The following RALA variants were observed in gnomAD, a reference collection of about 807,000 sequenced individuals.
RALA encodes the protein RAS like proto-oncogene A.
RALA carries 5 observed loss-of-function variants against 24.0 expected under a neutral mutation model. The observed-to-expected ratio is 0.21, with a 90% CI of 0.11 to 0.44. The LOEUF is 0.44. Ranked by LOEUF, RALA falls within the 20% of genes least tolerant of loss-of-function variation. The probability of loss-of-function intolerance (pLI) is 0.99; values close to 1 mark genes in which losing one functional copy is unlikely to be tolerated. For synonymous variants in RALA, 77 were observed against 83.8 expected, an observed-to-expected ratio of 0.92 and a Z score of 0.44; for missense variants, 95 against 241.2, an observed-to-expected ratio of 0.39 and a Z score of 4.01.
At chr7:39,642,112 C>A (rs1414981209) in intron 1 of RALA, among the ~76,000 whole-genome samples, 2 of 152,144 alleles carry the variant, frequency 1.3e-5, no homozygotes, top group Admixed American at 6.5e-5. Flanking sequence ...TCAGTTGGGA[C>A]AACCGCTGTA....
intron 1 of RALA, among the ~76,000 whole-genome samples, chr7:39,653,841 A>G (rs1007763214): frequency 2.6e-5 from 4 of 152,296 alleles, no homozygotes; most frequent in African/African-American, 9.6e-5. Flanking sequence ...AATTTTGCCA[A>G]TACTGATGAA....
chr7:39,679,447 T>C (rs1792547285), intron 1 of RALA, among the ~76,000 whole-genome samples: 1 of 152,192 alleles, frequency 6.6e-6, no homozygotes, highest in African/African-American at 2.4e-5. Flanking sequence ...TAAAACGTTA[T>C]CCCAGTATAG....
intron 4 of RALA, among the ~76,000 whole-genome samples, chr7:39,699,165 G>T (rs1792976149): frequency 9.3e-6 from 1 of 107,758 alleles, no homozygotes; most frequent in Admixed American, 1.5e-4. Flanking sequence ...ACGGAGTCTC[G>T]CTCTGTCGCC....
intron 1 of RALA, among the ~76,000 whole-genome samples, chr7:39,670,557 G>A (rs1792362753): frequency 6.6e-6 from 1 of 152,128 alleles, no homozygotes; most frequent in Admixed American, 6.5e-5. Context: ...AAATTCAAAA[G>A]GTGATGTATC....
At chr7:39,682,784 A>G (rs967260444) in intron 1 of RALA, among the ~76,000 whole-genome samples, 1 of 152,138 alleles carries the variant, frequency 6.6e-6, no homozygotes, top group Admixed American at 6.5e-5. Context: ...CTGGGATTAC[A>G]GGCACCTGCC....
intron 1 of RALA, among the ~76,000 whole-genome samples, chr7:39,680,077 G>T (rs1392748137): frequency 6.6e-6 from 1 of 151,804 alleles, no homozygotes; most frequent in African/African-American, 2.4e-5. Context: ...CCACTCTAAG[G>T]TTATGAAACA....
intron 1 of RALA, among the ~76,000 whole-genome samples, chr7:39,660,985 T>G (rs1792176514): frequency 6.6e-6 from 1 of 152,174 alleles, no homozygotes; most frequent in Non-Finnish European, 1.5e-5. Flanking sequence ...ACTCAAACTT[T>G]TCCTGTGGCT....
At chr7:39,667,642 A>G (rs991003068) in intron 1 of RALA, among the ~76,000 whole-genome samples, 3 of 152,270 alleles carry the variant, frequency 2.0e-5, no homozygotes, top group African/African-American at 4.8e-5. Context: ...TTAAAGGAAT[A>G]TAAGTGAAAA....
intron 3 of RALA, among the ~76,000 whole-genome samples, chr7:39,691,339 G>T (rs755985401): frequency 1.3e-5 from 2 of 152,094 alleles, no homozygotes; most frequent in Non-Finnish European, 2.9e-5. Context: ...TTTTATTTCT[G>T]TGTGAAGTGT....
chr7:39,686,563 T>G, intron 1 of RALA, 68 bp from the exon 2 acceptor site: 1 of 897,222 alleles, frequency 1.1e-6, no homozygotes, highest in African/African-American at 1.6e-5. Flanking sequence ...TAAGGACATA[T>G]CTCTTTCTTA....
At chr7:39,664,140 G>A (rs1447177823) in intron 1 of RALA, among the ~76,000 whole-genome samples, 1 of 152,182 alleles carries the variant, frequency 6.6e-6, no homozygotes, top group Non-Finnish European at 1.5e-5. Context: ...TGTTGGTAGG[G>A]AAGAAAAGCA....
intron 1 of RALA, among the ~76,000 whole-genome samples, chr7:39,655,343 AT>A (rs1185900788): frequency 2.6e-5 from 4 of 152,366 alleles, no homozygotes; most frequent in African/African-American, 9.6e-5. Context: ...ATGTTGCATA[AT>A]TCCTTTTATG....
intron 4 of RALA, among the ~76,000 whole-genome samples, 171 bp from the exon 5 acceptor site, chr7:39,705,952 A>G (rs768856611): frequency 7.2e-5 from 11 of 151,936 alleles, no homozygotes; most frequent in Non-Finnish European, 1.3e-4. Flanking sequence ...TCCTTTTTTC[A>G]AGATACTAGG....
At chr7:39,694,623 C>T (rs920398752) in intron 3 of RALA, among the ~76,000 whole-genome samples, 2 of 152,130 alleles carry the variant, frequency 1.3e-5, no homozygotes, top group East Asian at 1.9e-4. Flanking sequence ...ACATTGTGAG[C>T]GCTGAGTACA....
chr7:39,660,036 A>AT (rs970586754), intron 1 of RALA, among the ~76,000 whole-genome samples: 38 of 151,034 alleles, frequency 2.5e-4, no homozygotes, highest in Admixed American at 6.6e-4. Context: ...CTTTAAAAAA[A>AT]TTTTTTTTTT....
chr7:39,654,725 A>T (rs1792069673), intron 1 of RALA, among the ~76,000 whole-genome samples: 1 of 152,024 alleles, frequency 6.6e-6, no homozygotes, highest in South Asian at 2.1e-4. Flanking sequence ...TATATGGTGT[A>T]TATGTGAATC....
chr7:39,689,796 A>AG (rs1192200106), intron 2 of RALA, among the ~76,000 whole-genome samples: 1 of 152,214 alleles, frequency 6.6e-6, no homozygotes, highest in Admixed American at 6.5e-5. Context: ...CGGTTTATCA[A>AG]GGTATATTAA....
intron 1 of RALA, among the ~76,000 whole-genome samples, chr7:39,636,436 T>C (rs1791685518): frequency 6.6e-6 from 1 of 152,226 alleles, no homozygotes; most frequent in African/African-American, 2.4e-5. Flanking sequence ...CTTCATCTGC[T>C]GGGATACTTT....
Position 39,686,663 on chromosome 7 carries a change from A to G in RALA, c.-5A>G. ...TTAATCCTTTGGTGAAAACTGAGAC[A>G]CAAAATGGCTGCAAATAAGCCCAAG... On this transcript the variant is annotated 5_prime_UTR_variant, in exon 2 of 5. Coordinates refer to ENST00000005257, the MANE Select transcript of RALA (RefSeq NM_005402.4). 8 of 1,610,494 alleles carry G rather than the reference A, an allele frequency of 5.0e-6. No individual in the cohort carries two copies. Among genetic ancestry groups the G allele is most frequent in the Non-Finnish European group, 6.8e-6 (8 of 1,176,644 alleles).
Sources: gnomAD v4.1 joint callset for allele counts (sites outside exome capture counted in the v4.1 genomes callset) on GRCh38, gnomAD v4.1.1 for gene constraint, MANE v1.5 for transcripts, NCBI Gene and HGNC (gene_info 2026-07-23, HGNC 2026-07-21) for gene names.